ESRRG: variants seen among roughly 807,000 people sequenced by gnomAD.
ESRRG encodes the protein estrogen related receptor gamma.
Under a neutral mutation model 44.0 loss-of-function variants are expected in ESRRG, and 13 were observed. That is an observed-to-expected ratio of 0.30 (90% confidence interval 0.19 to 0.47). The LOEUF is 0.47. Among genes scored for constraint, ESRRG ranks in the 20% least tolerant of loss-of-function variants. The pLI is 1.00. For synonymous variants in ESRRG, 215 were observed against 214.6 expected, an observed-to-expected ratio of 1.00 and a Z score of -0.02; for missense variants, 395 against 580.6, an observed-to-expected ratio of 0.68 and a Z score of 3.29.
intron 1 of ESRRG, among the ~76,000 whole-genome samples, chr1:217,111,270 C>G (rs1284650931): frequency 6.6e-6 from 1 of 152,118 alleles, no homozygotes; most frequent in Non-Finnish European, 1.5e-5. Flanking sequence ...TAGGAGCTCA[C>G]CACACCTCTC....
At chr1:216,829,632 C>A (rs12568029) in intron 2 of ESRRG, among the ~76,000 whole-genome samples, 82,872 of 150,534 alleles carry the variant, frequency 0.55, 23,598 homozygotes, top group Non-Finnish European at 0.62. Flanking sequence ...TTGGCTCACT[C>A]CAACCTCCGC....
chr1:216,995,608 G>A (rs2076275255), intron 1 of ESRRG, among the ~76,000 whole-genome samples: 1 of 152,162 alleles, frequency 6.6e-6, no homozygotes, highest in South Asian at 2.1e-4. Context: ...TTCTTCCAGA[G>A]GGTATCCTGA....
chr1:216,944,564 T>A (rs2065771363), intron 1 of ESRRG, among the ~76,000 whole-genome samples: 2 of 152,084 alleles, frequency 1.3e-5, no homozygotes, highest in Non-Finnish European at 2.9e-5. Flanking sequence ...TATCATCCCT[T>A]TCCCTGGAGA....
At chr1:216,820,240 T>C (rs1295920891) in intron 2 of ESRRG, among the ~76,000 whole-genome samples, 1 of 152,208 alleles carries the variant, frequency 6.6e-6, no homozygotes, top group Non-Finnish European at 1.5e-5. Flanking sequence ...CGAGATAAAC[T>C]GAGAATTCAG....
intron 5 of ESRRG, 150 bp from the exon 6 acceptor site, chr1:216,519,571 T>G: frequency 4.2e-6 from 3 of 709,684 alleles, no homozygotes; most frequent in East Asian, 2.8e-5. Flanking sequence ...TGGATCACTT[T>G]GCGAACAGCA....
chr1:216,807,538 G>T (rs1049017207), intron 2 of ESRRG, among the ~76,000 whole-genome samples: 5 of 152,000 alleles, frequency 3.3e-5, no homozygotes, highest in Admixed American at 6.6e-5. Context: ...AATAAAGGGG[G>T]CAATGTTTTT....
chr1:217,048,276 G>T (rs1430307678), intron 1 of ESRRG, among the ~76,000 whole-genome samples: 1 of 152,158 alleles, frequency 6.6e-6, no homozygotes, highest in African/African-American at 2.4e-5. Context: ...GCTTGGGCTG[G>T]GAGGTGGAGA....
At chr1:217,009,955 C>T (rs2078319965) in intron 1 of ESRRG, among the ~76,000 whole-genome samples, 2 of 152,040 alleles carry the variant, frequency 1.3e-5, no homozygotes, top group Non-Finnish European at 2.9e-5. Context: ...CCACCCACCT[C>T]GGCCTCCCAA....
chr1:217,107,107 A>T (rs1441612667), intron 1 of ESRRG, among the ~76,000 whole-genome samples: 3 of 152,240 alleles, frequency 2.0e-5, no homozygotes, highest in Non-Finnish European at 1.5e-5. Context: ...GATTAATCTG[A>T]ATATCCTCTG....
intron 2 of ESRRG, among the ~76,000 whole-genome samples, chr1:216,786,687 G>C (rs1304587083): frequency 1.3e-5 from 2 of 152,122 alleles, no homozygotes; most frequent in Non-Finnish European, 2.9e-5. Flanking sequence ...ATATTACAAC[G>C]AGTACATATG....
chr1:216,983,039 T>G (rs1348623626), intron 1 of ESRRG, among the ~76,000 whole-genome samples: 4 of 151,620 alleles, frequency 2.6e-5, no homozygotes, highest in African/African-American at 4.8e-5. Context: ...CTGTTTTTTT[T>G]TTTTTTTTTT....
chr1:217,043,422 T>C (rs1271708153), intron 1 of ESRRG, among the ~76,000 whole-genome samples: 1 of 152,204 alleles, frequency 6.6e-6, no homozygotes, highest in African/African-American at 2.4e-5. Context: ...AGCCTATCAA[T>C]AATAAATGAA....
At chr1:216,611,885 T>C (rs1159972661) in intron 3 of ESRRG, among the ~76,000 whole-genome samples, 1 of 152,158 alleles carries the variant, frequency 6.6e-6, no homozygotes, top group African/African-American at 2.4e-5. Flanking sequence ...GAGAAGAGCA[T>C]TCCAGGTTGA....
intron 2 of ESRRG, among the ~76,000 whole-genome samples, chr1:216,744,216 G>T (rs932939414): frequency 1.3e-5 from 2 of 152,052 alleles, no homozygotes; most frequent in Non-Finnish European, 2.9e-5. Context: ...TGAACAAACG[G>T]CAATAAAATA....
At chr1:217,060,098 C>T (rs985328339) in intron 1 of ESRRG, among the ~76,000 whole-genome samples, 3 of 151,742 alleles carry the variant, frequency 2.0e-5, no homozygotes, top group African/African-American at 7.3e-5. Flanking sequence ...GGCCGGCATA[C>T]AATACGTATA....
At chr1:216,563,266 T>G (rs1292007843) in intron 5 of ESRRG, among the ~76,000 whole-genome samples, 1 of 152,168 alleles carries the variant, frequency 6.6e-6, no homozygotes, top group African/African-American at 2.4e-5. Context: ...TGTAACAAAT[T>G]GTCGCCTGAA....
chr1:217,048,748 A>G (rs976459736), intron 1 of ESRRG, among the ~76,000 whole-genome samples: 22 of 152,190 alleles, frequency 1.4e-4, no homozygotes, highest in Admixed American at 1.4e-3. Context: ...TTACGAGGAA[A>G]ATCAGAGTAG....
At chr1:216,597,635 T>C (rs907087101) in intron 3 of ESRRG, among the ~76,000 whole-genome samples, 2 of 152,210 alleles carry the variant, frequency 1.3e-5, no homozygotes, top group South Asian at 2.1e-4. Flanking sequence ...GACAGTGGAA[T>C]CATGGAACAC....
At chr1:216,764,383 C>A (rs888993292) in intron 2 of ESRRG, among the ~76,000 whole-genome samples, 1 of 151,978 alleles carries the variant, frequency 6.6e-6, no homozygotes, top group Non-Finnish European at 1.5e-5. Flanking sequence ...GATTCTCCTG[C>A]CTCACCTCCT....
Sources: gnomAD v4.1 joint callset for allele counts (sites outside exome capture counted in the v4.1 genomes callset) on GRCh38, gnomAD v4.1.1 for gene constraint, MANE v1.5 for transcripts, NCBI Gene and HGNC (gene_info 2026-07-23, HGNC 2026-07-21) for gene names.